Variants in IMMP2L observed in about 807,000 individuals in gnomAD.
IMMP2L encodes the protein mitochondrial inner membrane protease subunit 2.
IMMP2L carries 18 observed loss-of-function variants against 19.3 expected under a neutral mutation model. The observed-to-expected ratio is 0.93, with a 90% CI of 0.64 to 1.38. The LOEUF (loss-of-function observed/expected upper bound fraction) is 1.38. Ranked by LOEUF, IMMP2L falls within the 40% of genes most tolerant of loss-of-function variation. The probability of loss-of-function intolerance (pLI) is 0.00; values close to 1 mark genes in which losing one functional copy is unlikely to be tolerated. For synonymous variants in IMMP2L, 76 were observed against 73.0 expected (o/e 1.04, Z -0.21); for missense variants, 233 against 218.2 (o/e 1.07, Z -0.43).
chr7:111,530,458 G>C (rs1276683733), intron 1 of IMMP2L, among the ~76,000 whole-genome samples: 1 of 152,130 alleles, frequency 6.6e-6, no homozygotes, highest in African/African-American at 2.4e-5. Flanking sequence ...ACCTCATGCT[G>C]TTCTAAGATT....
chr7:111,148,104 C>A (rs1327425474), intron 3 of IMMP2L, among the ~76,000 whole-genome samples: 1 of 151,968 alleles, frequency 6.6e-6, no homozygotes, highest in Non-Finnish European at 1.5e-5. Flanking sequence ...TAGAAGCAGC[C>A]CAAGTTTTCA....
chr7:111,465,652 A>C (rs1308852156), intron 3 of IMMP2L, among the ~76,000 whole-genome samples: 5 of 151,974 alleles, frequency 3.3e-5, no homozygotes, highest in Non-Finnish European at 2.9e-5. Flanking sequence ...TTAAAATGGC[A>C]ATCATTAAAA....
intron 3 of IMMP2L, among the ~76,000 whole-genome samples, chr7:111,429,757 A>G (rs1337938281): frequency 6.6e-6 from 1 of 151,918 alleles, no homozygotes; most frequent in African/African-American, 2.4e-5. Context: ...AAGAAATGGT[A>G]TCTTCCTAGA....
chr7:110,986,174 C>A (rs1821829330), intron 3 of IMMP2L, among the ~76,000 whole-genome samples: 3 of 152,080 alleles, frequency 2.0e-5, no homozygotes, highest in Admixed American at 2.0e-4. Flanking sequence ...TTCCATCTAT[C>A]TGCTCAGAAT....
rs958869506 is a variant in IMMP2L at position 111,422,741 on chromosome 7, C to T, written c.239+64497G>A. ...TCTTGCCTGATTGCCCTGGCCAGAACTTCCAACACTACGTTGAATAGGAGT... is the reference window on the plus strand; with the variant it reads ...TCTTGCCTGATTGCCCTGGCCAGAATTTCCAACACTACGTTGAATAGGAGT... On this transcript the variant is annotated intron_variant, in intron 3 of 5. Transcript: ENST00000405709. Among the ~76,000 whole-genome samples the T allele has an allele frequency of 3.2e-4, 48 of 151,978 alleles. 1 individual carries two copies. Among genetic ancestry groups the T allele is most frequent in the African/African-American group, 1.1e-3 (47 of 41,268 alleles).
At position 110,877,213 on chromosome 7, in the gene IMMP2L, T is replaced by C. The variant is rs1040595957; in HGVS notation, c.408+9380A>G. Among the ~76,000 whole-genome samples, 10 of 152,282 alleles carry C rather than the reference T, an allele frequency of 6.6e-5. No homozygotes were observed. The South Asian group carries it at 1.0e-3, about 16-fold the overall frequency. On this transcript the variant is annotated intron_variant, in intron 5 of 5. Transcript: ENST00000405709. This position sits in a 1 kb window ranked among gnomAD's most constrained non-coding sequence, Gnocchi z 4.0. The stretch of plus-strand genomic sequence containing the variant: ...ACTGAACCCTGTTCTAGATGAACCT[T>C]TGCTGTGCAGAAATTGGCCATTAGC...
At position 111,123,314 on chromosome 7, in the gene IMMP2L, G is replaced by T; in HGVS notation, c.240-159749C>A. 6.8e-6 allele frequency: 11 copies of T among 1,613,814 alleles called. No individual in the cohort carries two copies. Among genetic ancestry groups the T allele is most frequent in the Non-Finnish European group, 9.3e-6 (11 of 1,179,912 alleles). ...TCAAATAGATTGCAGATGATCAACA[G>T]TAAGTGGTTTGATGCTCTTCCAAAT... On this transcript the variant is annotated intron_variant, in intron 3 of 5. Transcript: ENST00000405709. The surrounding 1 kb of genome is among the most constrained non-coding windows in gnomAD (Gnocchi z 6.4).
intron 3 of IMMP2L, among the ~76,000 whole-genome samples, chr7:111,264,832 T>C (rs961717123): frequency 1.3e-5 from 2 of 151,606 alleles, no homozygotes; most frequent in Admixed American, 1.3e-4. Flanking sequence ...CTCCCAGAAG[T>C]GAAGTTTTGG....
At chr7:111,325,069 C>T (rs1050230901) in intron 3 of IMMP2L, among the ~76,000 whole-genome samples, 1 of 151,702 alleles carries the variant, frequency 6.6e-6, no homozygotes, top group African/African-American at 2.4e-5. Context: ...CAAATGCCAT[C>T]TCATAGAGAA....
chr7:111,081,929 A>G (rs1342959661), intron 3 of IMMP2L, among the ~76,000 whole-genome samples: 1 of 152,228 alleles, frequency 6.6e-6, no homozygotes, highest in Non-Finnish European at 1.5e-5. Flanking sequence ...TGATTGCCTG[A>G]TATTTTAAGT....
At chr7:111,503,404 G>C (rs1375262676) in intron 2 of IMMP2L, among the ~76,000 whole-genome samples, 1 of 152,056 alleles carries the variant, frequency 6.6e-6, no homozygotes, top group African/African-American at 2.4e-5. Context: ...AGGAGGAGCT[G>C]GTACCATTCC....
At chr7:110,739,999 A>C (rs1354844227) in intron 5 of IMMP2L, among the ~76,000 whole-genome samples, 6 of 152,320 alleles carry the variant, frequency 3.9e-5, no homozygotes, top group African/African-American at 1.4e-4. Context: ...GAAATTTAAA[A>C]GTTCTTTGAA....
At chr7:111,337,078 T>C (rs927891176) in intron 3 of IMMP2L, among the ~76,000 whole-genome samples, 8 of 152,114 alleles carry the variant, frequency 5.3e-5, no homozygotes, top group African/African-American at 1.9e-4. Context: ...AGTCTGAATA[T>C]TCGGCCTTCA....
intron 2 of IMMP2L, among the ~76,000 whole-genome samples, chr7:111,515,108 T>A (rs1383869254): frequency 6.6e-6 from 1 of 152,084 alleles, no homozygotes; most frequent in Admixed American, 6.6e-5. Context: ...CATGCAATAT[T>A]TTTACTGGGA....
intron 3 of IMMP2L, among the ~76,000 whole-genome samples, chr7:111,178,609 A>G (rs535964346): frequency 6.6e-6 from 1 of 152,212 alleles, no homozygotes; most frequent in African/African-American, 2.4e-5. Context: ...AGTTTATTAA[A>G]TATTCTAAGT....
At chr7:111,266,350 CT>C (rs1244539603) in intron 3 of IMMP2L, among the ~76,000 whole-genome samples, 1 of 151,922 alleles carries the variant, frequency 6.6e-6, no homozygotes, top group Non-Finnish European at 1.5e-5. Flanking sequence ...GAAGACCAGC[CT>C]GGCCAACATG....
intron 3 of IMMP2L, among the ~76,000 whole-genome samples, chr7:111,227,626 G>A (rs969973907): frequency 1.3e-5 from 2 of 151,928 alleles, no homozygotes; most frequent in Non-Finnish European, 2.9e-5. Context: ...AAACTGAGGA[G>A]AAACACTTAA....
chr7:111,096,431 A>T (rs541621271), intron 3 of IMMP2L, among the ~76,000 whole-genome samples: 1 of 151,794 alleles, frequency 6.6e-6, no homozygotes, highest in Non-Finnish European at 1.5e-5. Flanking sequence ...ACCACACTAT[A>T]TCTGGATAGA....
chr7:111,516,801 G>A lies in IMMP2L; in HGVS notation c.135+4512C>T, dbSNP rs188756729. 1.3e-3 allele frequency among the ~76,000 whole-genome samples: 194 copies of A among 152,242 alleles called. 1 individual carries two copies. The highest frequency in any genetic ancestry group is 2.4e-3 in the Admixed American group (36 of 15,276). On this transcript the variant is annotated intron_variant, in intron 2 of 5. Coordinates refer to ENST00000405709, the MANE Select transcript of IMMP2L (RefSeq NM_032549.4). ...GAGCCAAAAGTAATTTGGGCAGAAA[G>A]CACGCAAGTAAGCCAATAAAGCATT... is the stretch of plus-strand genomic sequence containing the variant.
Sources: allele counts gnomAD v4.1 joint callset (sites outside exome capture counted in the v4.1 genomes callset), GRCh38; gene constraint gnomAD v4.1.1; non-coding constraint Gnocchi (gnomAD v3.1); transcripts MANE v1.5; gene names NCBI Gene and HGNC (gene_info 2026-07-23, HGNC 2026-07-21).